The following EEF2KMT variants were observed in gnomAD, a reference collection of about 807,000 sequenced individuals.
EEF2KMT encodes protein-lysine N-methyltransferase EEF2KMT.
EEF2KMT carries 30 observed loss-of-function variants against 35.1 expected under a neutral mutation model. The ratio of observed to expected loss-of-function variants is 0.85; its 90% CI spans 0.64 to 1.16. EEF2KMT has a LOEUF of 1.16. EEF2KMT is among the 50% of genes most tolerant of loss of function. The pLI is 0.00. For synonymous variants in EEF2KMT, 190 were observed against 187.7 expected (o/e 1.01, Z -0.10); for missense variants, 499 against 438.2 (o/e 1.14, Z -1.24).
In EEF2KMT at chr16:5,085,816, C is replaced by G. The variant is rs576844844; in HGVS notation, c.893-84G>C. The G allele has an allele frequency of 6.4e-6, 7 of 1,094,218 alleles. No homozygotes were observed. The African/African-American group carries it at 9.3e-5, about 14-fold the overall frequency. 67.8% of individuals were successfully genotyped at this position (1,094,218 alleles called of 1,614,324 possible). A position where few individuals can be genotyped will look rare whatever the true frequency, so the allele number is the denominator to read the frequency against. On this transcript the variant is annotated intron_variant, in intron 7 of 7. Transcript: ENST00000427587. ...ATTGTGTGGGGCTGCTAGGACAGGCCTGGCGGGGTAGGGGGGTGTCCAAGT... is the reference window on the plus strand; with the variant it reads ...ATTGTGTGGGGCTGCTAGGACAGGCGTGGCGGGGTAGGGGGGTGTCCAAGT...
intron 2 of EEF2KMT, among the ~76,000 whole-genome samples, chr16:5,095,118 G>C (rs926681047): frequency 3.9e-5 from 6 of 152,196 alleles, no homozygotes; most frequent in African/African-American, 1.4e-4. Flanking sequence ...AAGCAAAAAA[G>C]AAAGTCTCTG....
In EEF2KMT at chr16:5,084,616, TC is replaced by T. The variant is rs1167908976; in HGVS notation, c.*1015del. The stretch of plus-strand genomic sequence containing the variant: ...GAGTGCTGCTGGGGTGTGAAGGGTC[TC>T]GAGTCCAAGTGAGGGAGTTAGGGAC... On this transcript the variant is annotated 3_prime_UTR_variant, in exon 8 of 8. Transcript: ENST00000427587. 1.4e-6 allele frequency: 2 copies of T among 1,404,656 alleles called. No homozygotes were observed. Among genetic ancestry groups the T allele is most frequent in the Admixed American group, 1.9e-5 (1 of 51,842 alleles). The allele number at this position is 1,404,656 out of a possible 1,614,324, so 87.0% of individuals were successfully genotyped here.
At chr16:5,089,297 C>A (rs572238196) in intron 6 of EEF2KMT, 41 bp from the exon 7 acceptor site, 14 of 1,597,818 alleles carry the variant, frequency 8.8e-6, no homozygotes, top group Non-Finnish European at 1.2e-5. Flanking sequence ...GACCAGTGGA[C>A]AGGTCCAGGT....
intron 1 of EEF2KMT, chr16:5,097,236 G>A (rs1354974339): frequency 1.6e-6 from 2 of 1,244,996 alleles, no homozygotes. Flanking sequence ...AGGCACGAGG[G>A]ACAGCCTGTG....
In EEF2KMT at chr16:5,084,705, T is replaced by G; in HGVS notation, c.*927A>C. The G allele has an allele frequency of 1.0e-5, 16 of 1,595,988 alleles. No homozygotes were observed. The highest frequency in any genetic ancestry group is 1.4e-5 in the Non-Finnish European group (16 of 1,179,634). On this transcript the variant is annotated 3_prime_UTR_variant, in exon 8 of 8. Transcript: ENST00000427587. Reference sequence around the variant, plus strand: ...AGCCAGGTGGTGACCTGGGATGGGGTGGGGACAGGCAATGAGGTAAGCTCT... The same window carrying G: ...AGCCAGGTGGTGACCTGGGATGGGGGGGGGACAGGCAATGAGGTAAGCTCT...
chr16:5,092,270 T>G (rs1218139215), intron 3 of EEF2KMT, among the ~76,000 whole-genome samples: 14 of 152,138 alleles, frequency 9.2e-5, no homozygotes, highest in Admixed American at 2.6e-4. Context: ...AGTTGCCAGG[T>G]GACCATGATA....
chr16:5,097,216 G>T, intron 1 of EEF2KMT: 1 of 1,105,358 alleles, frequency 9.0e-7, no homozygotes, highest in Non-Finnish European at 1.2e-6. Flanking sequence ...ACATACAGAT[G>T]AGAATACTGA....
rs17137593 is a variant in EEF2KMT, at chr16:5,084,671, C to G, written c.*961G>C. ...GGAGGGGTTGTTGTTGGGTCGGGGA[C>G]CTGGGGTCAGCCAGGTGGTGACCTG... is the stretch of plus-strand genomic sequence containing the variant. On this transcript the variant is annotated 3_prime_UTR_variant, in exon 8 of 8. Transcript: ENST00000427587. 6.3e-7 allele frequency: 1 copy of G among 1,592,052 alleles called. No individual in the cohort carries two copies. The highest frequency in any genetic ancestry group is 8.5e-7 in the Non-Finnish European group (1 of 1,177,174).
chr16:5,089,027 A>G lies in EEF2KMT; in HGVS notation c.892+80T>C, dbSNP rs538769073. The G allele has an allele frequency of 1.0e-3, 1,667 of 1,604,302 alleles. 3 individuals carry two copies. Among genetic ancestry groups the G allele is most frequent in the South Asian group, 1.7e-3 (155 of 90,966 alleles). ...TGGGGCAACCTAGCTTTTCCCCGGC[A>G]CCCAGTTCTTTCACTTCCACTGGCG... On this transcript the variant is annotated intron_variant, in intron 7 of 7. Coordinates refer to ENST00000427587, the MANE Select transcript of EEF2KMT (RefSeq NM_201400.4).
chr16:5,085,529 A>C lies in EEF2KMT; in HGVS notation c.*103T>G. On this transcript the variant is annotated 3_prime_UTR_variant, in exon 8 of 8. Transcript: ENST00000427587. ...CCTGATTTGGAAATTAACATTCTCC[A>C]AACATTCCAGTCCAATGAAAGTTTT... 1 of 940,510 alleles carries C rather than the reference A, an allele frequency of 1.1e-6. No individual in the cohort carries two copies. The highest frequency in any genetic ancestry group is 1.7e-6 in the Non-Finnish European group (1 of 571,868). The allele number at this position is 940,510 out of a possible 1,614,324, so 58.3% of individuals were successfully genotyped here. A position where few individuals can be genotyped will look rare whatever the true frequency, so the allele number is the denominator to read the frequency against.
In EEF2KMT at chr16:5,089,325, C is replaced by A. The variant is rs373614553; in HGVS notation, c.743-69G>T. On this transcript the variant is annotated intron_variant, in intron 6 of 7. Transcript: ENST00000427587. ...GTCCAGGTCATGCTGACGTCAGCAGCAGGGCGAGGCCAGAGAGGCAGCGGT... is the reference window on the plus strand; with the variant it reads ...GTCCAGGTCATGCTGACGTCAGCAGAAGGGCGAGGCCAGAGAGGCAGCGGT... The A allele has an allele frequency of 1.2e-3, 1,867 of 1,585,330 alleles. 1 individual carries two copies. The highest frequency in any genetic ancestry group is 2.6e-3 in the Admixed American group (148 of 58,020).
At chr16:5,094,055 C>T (rs925954122) in intron 2 of EEF2KMT, among the ~76,000 whole-genome samples, 3 of 152,190 alleles carry the variant, frequency 2.0e-5, no homozygotes, top group Admixed American at 6.5e-5. Context: ...GTGGGAACAG[C>T]TGGTGCAAGC....
At position 5,097,691 on chromosome 16, in the gene EEF2KMT, C is replaced by T; in HGVS notation, c.49G>A (p.Glu17Lys). The T allele has an allele frequency of 6.3e-7, 1 of 1,581,064 alleles. No homozygotes were observed. Residue 17 changes from glutamate (E) to lysine (K), a missense_variant, in exon 1 of 8, where the codon GAG (glutamate) becomes AAG (lysine). Glu to Lys is a moderately conservative substitution (Grantham distance 56). Transcript: ENST00000427587. ...GTGCGTGCCGCCAGGAAGCGGCGCT[C>T]GAAACTCTGCAGCAAGAGTTCGGTC... ...AGTELLLQSF[E>K]RRFLAARTLR... is the part of the protein sequence containing the mutation.
intron 1 of EEF2KMT, chr16:5,097,215 T>G: frequency 8.2e-6 from 9 of 1,098,098 alleles, no homozygotes; most frequent in African/African-American, 1.6e-5. Context: ...AACATACAGA[T>G]GAGAATACTG....
At chr16:5,089,785 G>A (rs1398571515) in intron 6 of EEF2KMT, among the ~76,000 whole-genome samples, 5 of 152,208 alleles carry the variant, frequency 3.3e-5, no homozygotes, top group Admixed American at 2.6e-4. Context: ...CTTCGTCCCA[G>A]AAGTGGTTGT....
Position 5,091,817 on chromosome 16 carries a change from G to T in EEF2KMT, c.319C>A (p.Gln107Lys), listed in dbSNP as rs141053839. The change falls in exon 4 of 8, where the codon CAG (glutamine) becomes AAG (lysine). Residue 107 changes from glutamine (Q) to lysine (K), a missense_variant. Coordinates refer to ENST00000427587, the MANE Select transcript of EEF2KMT (RefSeq NM_201400.4). ...AETLMAKEST[Q>K]GHRSYLLPSG... ...ACCAGCAAATAGCTCCGGTGGCCCT[G>T]GGTGGACTCCTTGGCCATCAGGGTC... 6.2e-7 allele frequency: 1 copy of T among 1,611,860 alleles called. No homozygotes were observed. Among genetic ancestry groups the T allele is most frequent in the South Asian group, 1.1e-5 (1 of 90,990 alleles).
rs750076157 is a variant in EEF2KMT, at chr16:5,085,597, G to C, written c.*35C>G. ...AAAATTCTTCCCATGAGAGTGACTTGATTCTCACAATCCCGTTGGAGTCGT... is the reference window on the plus strand; with the variant it reads ...AAAATTCTTCCCATGAGAGTGACTTCATTCTCACAATCCCGTTGGAGTCGT... On this transcript the variant is annotated 3_prime_UTR_variant, in exon 8 of 8. Transcript: ENST00000427587. 7.0e-7 allele frequency: 1 copy of C among 1,421,546 alleles called. No homozygotes were observed. Among genetic ancestry groups the C allele is most frequent in the South Asian group, 1.1e-5 (1 of 87,252 alleles). The allele number at this position is 1,421,546 out of a possible 1,614,324, so 88.1% of individuals were successfully genotyped here. A position where few individuals can be genotyped will look rare whatever the true frequency, so the allele number is the denominator to read the frequency against.
intron 3 of EEF2KMT, 159 bp from the exon 4 acceptor site, chr16:5,092,054 T>C: frequency 7.3e-7 from 1 of 1,378,094 alleles, no homozygotes; most frequent in Non-Finnish European, 9.8e-7. Flanking sequence ...TGGTGGTGTG[T>C]GCCGAATAGT....
rs541160794 is a variant in EEF2KMT, at chr16:5,085,605, C to A, written c.*27G>T. The A allele has an allele frequency of 3.4e-6, 5 of 1,489,338 alleles. No homozygotes were observed. In the East Asian group the frequency reaches 1.1e-4, roughly 34 times the overall value. 92.3% of individuals were successfully genotyped at this position (1,489,338 alleles called of 1,614,324 possible). A position where few individuals can be genotyped will look rare whatever the true frequency, so the allele number is the denominator to read the frequency against. On this transcript the variant is annotated 3_prime_UTR_variant, in exon 8 of 8. Coordinates refer to ENST00000427587, the MANE Select transcript of EEF2KMT (RefSeq NM_201400.4). ...TCCCATGAGAGTGACTTGATTCTCA[C>A]AATCCCGTTGGAGTCGTGTGTGAGT...
Sources: gnomAD v4.1 joint callset for allele counts (sites outside exome capture counted in the v4.1 genomes callset) on GRCh38, gnomAD v4.1.1 for gene constraint, MANE v1.5 for transcripts, NCBI Gene and HGNC (gene_info 2026-07-23, HGNC 2026-07-21) for gene names.